MAGI2: variants seen among roughly 807,000 people sequenced by gnomAD.
MAGI2 encodes the protein membrane associated guanylate kinase, WW and PDZ domain containing 2, also known as membrane-associated guanylate kinase, WW and PDZ domain-containing protein 2.
MAGI2 carries 35 observed loss-of-function variants against 133.3 expected under a neutral mutation model. The observed-to-expected ratio is 0.26, with a 90% CI of 0.20 to 0.35. MAGI2 has a LOEUF of 0.35. Ranked by LOEUF, MAGI2 falls within the 10% of genes least tolerant of loss-of-function variation. MAGI2 has a pLI of 1.00. For synonymous variants in MAGI2, 729 were observed against 710.6 expected (o/e 1.03, Z -0.41); for missense variants, 1,636 against 1,863.4 (o/e 0.88, Z 2.25).
At position 78,534,569 on chromosome 7, in the gene MAGI2, T is replaced by C. The variant is rs2150637345; in HGVS notation, c.539-12924A>G. ...ATTAGCCAGATAAGCTCTTCTTTTCTCAGTTTAACCCAAGACATAGTCTCT... is the reference window on the plus strand; with the variant it reads ...ATTAGCCAGATAAGCTCTTCTTTTCCCAGTTTAACCCAAGACATAGTCTCT... On this transcript the variant is annotated intron_variant, in intron 3 of 21. Transcript: ENST00000354212. 1.3e-5 allele frequency among the ~76,000 whole-genome samples: 2 copies of C among 152,342 alleles called. 1 individual carries two copies. The highest frequency in any genetic ancestry group is 6.8e-3 in the Middle Eastern group (2 of 294).
intron 2 of MAGI2, among the ~76,000 whole-genome samples, chr7:78,698,312 G>A (rs1404735289): frequency 6.6e-6 from 1 of 152,080 alleles, no homozygotes. Flanking sequence ...TTTCAAGCAA[G>A]AACATTATGC....
At position 78,756,070 on chromosome 7, in the gene MAGI2, G is replaced by C. The variant is rs74702754; in HGVS notation, c.419-128831C>G. Among the ~76,000 whole-genome samples the C allele has an allele frequency of 4.9e-3, 751 of 152,222 alleles. 12 individuals carry two copies. Among genetic ancestry groups the C allele is most frequent in the African/African-American group, 0.017 (721 of 41,528 alleles). On this transcript the variant is annotated intron_variant, in intron 2 of 21. Coordinates refer to ENST00000354212, the MANE Select transcript of MAGI2 (RefSeq NM_012301.4). ...ACTATAGGAAGAATGTAACTTCGAGGTCACTTACACTCAGTGTCAGGCACA... is the reference window on the plus strand; with the variant it reads ...ACTATAGGAAGAATGTAACTTCGAGCTCACTTACACTCAGTGTCAGGCACA...
chr7:79,452,485 GGC>G (rs1849353612), intron 1 of MAGI2, among the ~76,000 whole-genome samples: 1 of 152,056 alleles, frequency 6.6e-6, no homozygotes, highest in Non-Finnish European at 1.5e-5. Context: ...CGCCAGCGGT[GGC>G]TCACGGATCC....
At chr7:78,740,172 A>C (rs987222590) in intron 2 of MAGI2, among the ~76,000 whole-genome samples, 3 of 151,452 alleles carry the variant, frequency 2.0e-5, no homozygotes, top group Non-Finnish European at 1.5e-5. Context: ...AAAAAAAAAA[A>C]CAAAAAACAA....
intron 1 of MAGI2, among the ~76,000 whole-genome samples, chr7:79,154,872 C>A (rs1823610824): frequency 6.6e-6 from 1 of 152,132 alleles, no homozygotes; most frequent in Non-Finnish European, 1.5e-5. Context: ...TGCAAACAAA[C>A]AAAACAAAAC....
chr7:78,026,240 T>C (rs1251880507), intron 21 of MAGI2: 22 of 152,208 alleles, frequency 1.4e-4, no homozygotes, highest in Admixed American at 1.4e-3. Flanking sequence ...TATTAAAAAA[T>C]AAAATGTGCT....
At position 79,442,941 on chromosome 7, in the gene MAGI2, GA is replaced by G. The variant is rs369177892; in HGVS notation, c.301+10078del. 2.7e-3 allele frequency among the ~76,000 whole-genome samples: 394 copies of G among 144,506 alleles called. 2 individuals carry two copies. Among genetic ancestry groups the G allele is most frequent in the African/African-American group, 7.8e-3 (310 of 39,698 alleles). 94.8% of individuals were successfully genotyped at this position (144,506 alleles called of 152,430 possible). A position where few individuals can be genotyped will look rare whatever the true frequency, so the allele number is the denominator to read the frequency against. On this transcript the variant is annotated intron_variant, in intron 1 of 21. Transcript: ENST00000354212. ...TTAACATCCTTACATCATAGACTGT[GA>G]AAAAAAAAAAGGAAATTAGGTATTG...
intron 2 of MAGI2, among the ~76,000 whole-genome samples, chr7:78,968,117 C>T (rs1803487803): frequency 6.6e-6 from 1 of 152,134 alleles, no homozygotes; most frequent in Admixed American, 6.6e-5. Context: ...AGGCGTGAGC[C>T]ACCGCACCCT....
chr7:78,883,021 C>A (rs1795996118), intron 2 of MAGI2, among the ~76,000 whole-genome samples: 2 of 151,902 alleles, frequency 1.3e-5, no homozygotes, highest in Non-Finnish European at 2.9e-5. Context: ...TCAGGCAAGA[C>A]AAAGAAATAA....
intron 4 of MAGI2, among the ~76,000 whole-genome samples, chr7:78,507,636 T>G (rs1276802624): frequency 6.6e-6 from 1 of 152,142 alleles, no homozygotes; most frequent in Non-Finnish European, 1.5e-5. Context: ...ATTTGTTAAG[T>G]GATACTCAAT....
intron 1 of MAGI2, among the ~76,000 whole-genome samples, chr7:79,038,380 G>A (rs771055575): frequency 2.0e-5 from 3 of 151,834 alleles, no homozygotes; most frequent in Non-Finnish European, 4.4e-5. Flanking sequence ...AAAAAATTTT[G>A]TGTTTTAATC....
chr7:78,571,503 G>A (rs1801496900), intron 3 of MAGI2, among the ~76,000 whole-genome samples: 2 of 152,104 alleles, frequency 1.3e-5, no homozygotes, highest in African/African-American at 2.4e-5. Flanking sequence ...GTAGGCTACT[G>A]GGGAAAAGTG....
rs529869876 is a variant in MAGI2, at chr7:78,801,231, A to C, written c.419-173992T>G. 1.0e-3 allele frequency among the ~76,000 whole-genome samples: 158 copies of C among 152,132 alleles called. 3 individuals carry two copies. The highest frequency in any genetic ancestry group is 1.6e-3 in the Admixed American group (25 of 15,262). On this transcript the variant is annotated intron_variant, in intron 2 of 21. Transcript: ENST00000354212. Reference sequence around the variant, plus strand: ...GGAAACTTCATAGGTTTATTTAGAAACAAGGAAACTGCAAATTGCCTGATT... The same window carrying C: ...GGAAACTTCATAGGTTTATTTAGAACCAAGGAAACTGCAAATTGCCTGATT...
chr7:78,506,866 C>A (rs1376421380), intron 4 of MAGI2, among the ~76,000 whole-genome samples: 4 of 152,172 alleles, frequency 2.6e-5, no homozygotes, highest in Non-Finnish European at 4.4e-5. Context: ...GACAAATGAA[C>A]TTTCCTTCTA....
chr7:78,524,664 C>G (rs896670884), intron 3 of MAGI2, among the ~76,000 whole-genome samples: 1 of 152,096 alleles, frequency 6.6e-6, no homozygotes, highest in Non-Finnish European at 1.5e-5. Flanking sequence ...ATAAATCAGA[C>G]CTCTATATGT....
chr7:78,335,435 C>G (rs1218261789), intron 9 of MAGI2, among the ~76,000 whole-genome samples: 1 of 152,176 alleles, frequency 6.6e-6, no homozygotes, highest in East Asian at 1.9e-4. Context: ...TAAATAAAAT[C>G]TGACTAGTCT....
intron 20 of MAGI2, among the ~76,000 whole-genome samples, chr7:78,093,360 A>G (rs952329310): frequency 2.6e-5 from 4 of 151,948 alleles, no homozygotes; most frequent in Non-Finnish European, 4.4e-5. Context: ...AGGCTGAGGC[A>G]GGAGAATTGC....
intron 2 of MAGI2, among the ~76,000 whole-genome samples, chr7:78,789,997 C>A (rs1386369070): frequency 6.6e-6 from 1 of 152,082 alleles, no homozygotes; most frequent in African/African-American, 2.4e-5. Flanking sequence ...CATATAAGTT[C>A]TGTTTACACC....
At chr7:78,263,874 C>T (rs978269320) in intron 9 of MAGI2, among the ~76,000 whole-genome samples, 10 of 152,130 alleles carry the variant, frequency 6.6e-5, no homozygotes, top group Admixed American at 6.6e-4. Flanking sequence ...CTCTATGCTT[C>T]AGTTGGCCCC....
Sources: allele counts gnomAD v4.1 joint callset (sites outside exome capture counted in the v4.1 genomes callset), GRCh38; gene constraint gnomAD v4.1.1; transcripts MANE v1.5; gene names NCBI Gene and HGNC (gene_info 2026-07-23, HGNC 2026-07-21).